The following GON4L variants were observed in gnomAD, a reference collection of about 807,000 sequenced individuals.
GON4L encodes gon-4 like, also known as GON-4-like protein.
In GON4L, 87 loss-of-function variants were observed where a neutral mutation model predicts 211.8. The ratio of observed to expected loss-of-function variants is 0.41; its 90% CI spans 0.35 to 0.49. The LOEUF (loss-of-function observed/expected upper bound fraction) is 0.49, where lower values mean the gene tolerates loss of function less well. Among genes scored for constraint, GON4L ranks in the 20% least tolerant of loss-of-function variants. The pLI is 0.15. For synonymous variants in GON4L, 875 were observed against 962.6 expected, an observed-to-expected ratio of 0.91 and a Z score of 1.68; for missense variants, 2,155 against 2,659.5, an observed-to-expected ratio of 0.81 and a Z score of 4.17.
At chr1:155,810,768 C>T (rs1667691995) in intron 10 of GON4L, among the ~76,000 whole-genome samples, 1 of 151,618 alleles carries the variant, frequency 6.6e-6, no homozygotes, top group Non-Finnish European at 1.5e-5. Context: ...CCTATAATCC[C>T]AGCACTTAGG....
At chr1:155,815,345 A>G (rs949040687) in intron 8 of GON4L, among the ~76,000 whole-genome samples, 36 of 152,184 alleles carry the variant, frequency 2.4e-4, no homozygotes, top group Non-Finnish European at 5.1e-4. Flanking sequence ...ACATATAAAC[A>G]TGGGTCCATT....
intron 8 of GON4L, 42 bp downstream of exon 8, chr1:155,815,763 C>G: frequency 8.9e-7 from 1 of 1,129,930 alleles, no homozygotes; most frequent in South Asian, 1.3e-5. Flanking sequence ...AAAGTATACC[C>G]TGCTCTATTA....
chr1:155,784,212 A>C (rs1571730680), intron 13 of GON4L, 123 bp from the exon 14 acceptor site: 2 of 1,319,650 alleles, frequency 1.5e-6, no homozygotes, highest in Non-Finnish European at 2.1e-6. Context: ...ACCCAGAAAG[A>C]GCCAATGTCA....
chr1:155,807,703 CAAAAAAAAAA>C (rs61248477), intron 10 of GON4L, among the ~76,000 whole-genome samples: 1 of 52,910 alleles, frequency 1.9e-5, no homozygotes, highest in Admixed American at 3.8e-4. Flanking sequence ...GACTCCGTCT[CAAAAAAAAAA>C]AAAAAAAAAA....
At position 155,779,349 on chromosome 1, in the gene GON4L, G is replaced by A. The variant is rs139638882; in HGVS notation, c.1893-1529C>T. ...TTTTTTTCTTTTGAGACGGAGTCTC[G>A]CTCTGACGCCAAGCTGGAATGCAGT... On this transcript the variant is annotated intron_variant, in intron 14 of 31. Transcript: ENST00000368331. 1.1e-4 allele frequency among the ~76,000 whole-genome samples: 17 copies of A among 150,998 alleles called. No homozygotes were observed. In the East Asian group the frequency reaches 3.3e-3, roughly 29 times the overall value.
intron 1 of GON4L, among the ~76,000 whole-genome samples, chr1:155,856,516 G>T (rs998296946): frequency 1.3e-5 from 2 of 152,008 alleles, no homozygotes; most frequent in Non-Finnish European, 2.9e-5. Flanking sequence ...GATTAGAGGC[G>T]TGAGCCACCG....
chr1:155,759,730 T>G (rs1333769990), intron 24 of GON4L, among the ~76,000 whole-genome samples: 3 of 151,738 alleles, frequency 2.0e-5, no homozygotes, highest in Admixed American at 2.0e-4. Context: ...CTCCCTTTGT[T>G]CCTATTTTTA....
intron 11 of GON4L, among the ~76,000 whole-genome samples, chr1:155,798,053 C>T (rs1001300902): frequency 2.0e-5 from 3 of 150,522 alleles, no homozygotes; most frequent in African/African-American, 7.3e-5. Context: ...TGCACTCCAG[C>T]GAGGGTGACA....
At chr1:155,808,628 C>G (rs1249105382) in intron 10 of GON4L, among the ~76,000 whole-genome samples, 1 of 151,864 alleles carries the variant, frequency 6.6e-6, no homozygotes, top group Non-Finnish European at 1.5e-5. Flanking sequence ...GGCCTTTTTT[C>G]TTTTTGTTTT....
At position 155,757,022 on chromosome 1, in the gene GON4L, G is replaced by A; in HGVS notation, c.5453C>T (p.Pro1818Leu). 5.0e-6 allele frequency: 8 copies of A among 1,613,690 alleles called. No homozygotes were observed. Among genetic ancestry groups the A allele is most frequent in the Non-Finnish European group, 6.8e-6 (8 of 1,179,698 alleles). Residue 1818 changes from proline (P) to leucine (L), a missense_variant, in exon 27 of 32, where the codon CCC becomes CTC. Physicochemically the swap from Pro to Leu is moderately conservative, Grantham distance 98. Coordinates refer to ENST00000368331, the MANE Select transcript of GON4L (RefSeq NM_001282860.2). ...LPDVEEEEEP[P>L]KIPTASKNKR... is the part of the protein sequence containing the mutation. ...GTTCTTTGAGGCTGTGGGTATCTTG[G>A]GAGGCTCCTCCTCTTCTTCCACATC...
At chr1:155,807,970 C>G (rs956357507) in intron 10 of GON4L, among the ~76,000 whole-genome samples, 1 of 151,966 alleles carries the variant, frequency 6.6e-6, no homozygotes, top group African/African-American at 2.4e-5. Flanking sequence ...TAGTCCATTT[C>G]CCACACGTTA....
At chr1:155,803,225 T>C (rs1472781371) in intron 11 of GON4L, among the ~76,000 whole-genome samples, 1 of 152,060 alleles carries the variant, frequency 6.6e-6, no homozygotes, top group Non-Finnish European at 1.5e-5. Flanking sequence ...TACCCAGCCA[T>C]TTACTCAGTC....
intron 17 of GON4L, among the ~76,000 whole-genome samples, chr1:155,774,550 C>G (rs1050771194): frequency 1.3e-5 from 2 of 152,032 alleles, no homozygotes; most frequent in African/African-American, 4.8e-5. Flanking sequence ...ATTGTGTTCC[C>G]CGTGCCTCGG....
At chr1:155,777,578 CA>C (rs762963595) in intron 15 of GON4L, 43 bp downstream of exon 15, 17,235 of 1,062,364 alleles carry the variant, frequency 0.016, no homozygotes, top group Non-Finnish European at 0.018. Context: ...GACTCTGTCT[CA>C]AAAAAAAAAA....
intron 13 of GON4L, chr1:155,785,000 C>T: frequency 2.6e-6 from 1 of 384,068 alleles, no homozygotes; most frequent in Non-Finnish European, 5.0e-6. Context: ...ACTCAGGAGG[C>T]TTAGACGAAG....
chr1:155,765,107 C>T lies in GON4L; in HGVS notation c.4366G>A (p.Gly1456Arg), dbSNP rs1443674381. The change falls in exon 21 of 32, where the codon GGG (glycine) becomes AGG (arginine). Residue 1456 changes from glycine (G) to arginine (R), a missense_variant. Physicochemically the swap from Gly to Arg is moderately radical, Grantham distance 125 (BLOSUM62 -2). Around this residue, in one of 6 missense-constraint regions of GON4L, gnomAD observed 615 missense variants for 625.7 expected, o/e 0.98. Coordinates refer to ENST00000368331, the MANE Select transcript of GON4L (RefSeq NM_001282860.2). ...VGPETGGEKNGPEEEEEEDFD... is the reference protein window; with the variant it reads ...VGPETGGEKNRPEEEEEEDFD... ...TCCTCTTCTTCCTCTTCTTCTGGCC[C>T]ATTCTTCTCTCCTCCAGTTTCTGGC... The T allele has an allele frequency of 6.2e-7, 1 of 1,614,138 alleles. No individual in the cohort carries two copies. The highest frequency in any genetic ancestry group is 1.7e-5 in the Admixed American group (1 of 60,016).
chr1:155,753,724 C>A (rs113064563), intron 28 of GON4L, among the ~76,000 whole-genome samples: 1 of 152,114 alleles, frequency 6.6e-6, no homozygotes, highest in South Asian at 2.1e-4. Flanking sequence ...TCAGATGACA[C>A]AGATTATCTT....
intron 28 of GON4L, among the ~76,000 whole-genome samples, chr1:155,753,678 GACAA>G (rs1284864842): frequency 1.3e-5 from 2 of 152,032 alleles, no homozygotes; most frequent in Non-Finnish European, 2.9e-5. Flanking sequence ...TGTCTCAAAT[GACAA>G]ACAAAAAGAA....
chr1:155,845,660 G>T (rs12139424), intron 2 of GON4L: 3 of 323,894 alleles, frequency 9.3e-6, no homozygotes. Context: ...GTACCACATA[G>T]GCCCTAAACT....
Sources: gnomAD v4.1 joint callset for allele counts (sites outside exome capture counted in the v4.1 genomes callset) on GRCh38, gnomAD v4.1.1 for gene constraint, gnomAD v4.1.1 regional missense constraint, MANE v1.5 for transcripts, NCBI Gene and HGNC (gene_info 2026-07-23, HGNC 2026-07-21) for gene names.